ANKS1B: variants seen among roughly 807,000 people sequenced by gnomAD.
ANKS1B encodes ankyrin repeat and sterile alpha motif domain containing 1B, also known as ankyrin repeat and sterile alpha motif domain-containing protein 1B.
In ANKS1B, 36 loss-of-function variants were observed where a neutral mutation model predicts 148.3. That is an observed-to-expected ratio of 0.24 (90% confidence interval 0.19 to 0.32). The LOEUF (loss-of-function observed/expected upper bound fraction) is 0.32, where lower values mean the gene tolerates loss of function less well. Among genes scored for constraint, ANKS1B ranks in the 10% least tolerant of loss-of-function variants. The pLI is 1.00. For missense variants in ANKS1B, 1,157 were observed against 1,542.6 expected, an observed-to-expected ratio of 0.75 and a Z score of 4.19; for synonymous variants, 542 against 560.8, an observed-to-expected ratio of 0.97 and a Z score of 0.47.
intron 1 of ANKS1B, among the ~76,000 whole-genome samples, chr12:99,901,222 A>G (rs1393475067): frequency 6.6e-6 from 1 of 152,234 alleles, no homozygotes; most frequent in Non-Finnish European, 1.5e-5. Context: ...TGAATGAATG[A>G]AGACTCATTT....
intron 22 of ANKS1B, 88 bp from the exon 23 acceptor site, chr12:98,782,225 T>C: frequency 8.9e-7 from 1 of 1,122,046 alleles, no homozygotes; most frequent in South Asian, 1.4e-5. Context: ...TTTCAATAAT[T>C]CACCAACAGT....
intron 9 of ANKS1B, among the ~76,000 whole-genome samples, chr12:99,543,705 A>C (rs1389776888): frequency 1.3e-5 from 2 of 151,072 alleles, no homozygotes; most frequent in African/African-American, 5.0e-5. Context: ...ATTCTACAAC[A>C]TAAATAAACT....
chr12:99,165,188 T>A (rs1240573992), intron 14 of ANKS1B, among the ~76,000 whole-genome samples: 2 of 151,744 alleles, frequency 1.3e-5, no homozygotes, highest in Non-Finnish European at 3.0e-5. Flanking sequence ...TGACAAGAAT[T>A]TCAAATCATT....
chr12:99,212,926 GAAAC>G (rs1251775554), intron 14 of ANKS1B, among the ~76,000 whole-genome samples: 4 of 152,242 alleles, frequency 2.6e-5, no homozygotes, highest in Middle Eastern at 3.4e-3. Context: ...ATTTTTAGAG[GAAAC>G]AAACAATGTT....
intron 14 of ANKS1B, among the ~76,000 whole-genome samples, chr12:99,201,216 T>C (rs534619838): frequency 1.2e-4 from 18 of 152,228 alleles, no homozygotes; most frequent in African/African-American, 4.3e-4. Flanking sequence ...TTATTCTGAA[T>C]CATAGTAAGG....
At chr12:99,410,306 CG>C (rs1165386898) in intron 11 of ANKS1B, among the ~76,000 whole-genome samples, 3 of 151,464 alleles carry the variant, frequency 2.0e-5, no homozygotes, top group Non-Finnish European at 1.5e-5. Flanking sequence ...ACCTTATGAA[CG>C]AAGACTTAAC....
intron 12 of ANKS1B, among the ~76,000 whole-genome samples, chr12:99,362,979 G>A (rs978390008): frequency 1.1e-4 from 17 of 151,980 alleles, no homozygotes; most frequent in Admixed American, 1.1e-3. Flanking sequence ...ATTTCCACTA[G>A]GGTCGAATTG....
At position 99,108,343 on chromosome 12, in the gene ANKS1B, T is replaced by C. The variant is rs913397674; in HGVS notation, c.2527-23320A>G. ...CTATGTACCTTGAGGATAGAAACCA[T>C]CTGTCCACCTAATGTCCCCAGTAGT... On this transcript the variant is annotated intron_variant, in intron 15 of 26. Transcript: ENST00000683438. Among the ~76,000 whole-genome samples the C allele has an allele frequency of 8.5e-5, 13 of 152,224 alleles. No homozygotes were observed. The East Asian group carries it at 2.3e-3, about 27-fold the overall frequency.
At chr12:99,770,140 G>C (rs1005945601) in intron 8 of ANKS1B, among the ~76,000 whole-genome samples, 2 of 152,186 alleles carry the variant, frequency 1.3e-5, no homozygotes, top group African/African-American at 4.8e-5. Context: ...TGGCAGCTAA[G>C]TCATTTTCTA....
chr12:99,785,000 A>G (rs1478250524), intron 4 of ANKS1B, among the ~76,000 whole-genome samples: 5 of 152,104 alleles, frequency 3.3e-5, no homozygotes, highest in African/African-American at 9.7e-5. Context: ...TTGTATCCCC[A>G]ATGCCTAGCA....
At chr12:99,567,723 G>A (rs975977306) in intron 9 of ANKS1B, among the ~76,000 whole-genome samples, 5 of 152,128 alleles carry the variant, frequency 3.3e-5, no homozygotes, top group African/African-American at 1.2e-4. Context: ...TATGCTAAAG[G>A]GGGCAGATAA....
chr12:99,130,288 T>C (rs1435263731), intron 15 of ANKS1B, among the ~76,000 whole-genome samples: 1 of 152,230 alleles, frequency 6.6e-6, no homozygotes, highest in Admixed American at 6.5e-5. Flanking sequence ...AACCATTTGG[T>C]TGGGAAGCTG....
intron 17 of ANKS1B, among the ~76,000 whole-genome samples, chr12:98,928,821 A>G (rs1314523762): frequency 6.6e-6 from 1 of 151,954 alleles, no homozygotes; most frequent in African/African-American, 2.4e-5. Flanking sequence ...CATATATAGA[A>G]CCCATACGGC....
chr12:99,046,588 A>G lies in ANKS1B; in HGVS notation c.2778+6569T>C, dbSNP rs765205499. 2.9e-4 allele frequency among the ~76,000 whole-genome samples: 44 copies of G among 152,130 alleles called. No homozygotes were observed. The Middle Eastern group carries it at 0.014, about 47-fold the overall frequency. On this transcript the variant is annotated intron_variant, in intron 17 of 26. Transcript: ENST00000683438. The stretch of plus-strand genomic sequence containing the variant: ...GCCGAGGCAGGCGGATCACAAGGTC[A>G]GGAGATGGAGACCATCCTGGCTAAC...
chr12:99,676,057 T>C (rs1353393119), intron 8 of ANKS1B, among the ~76,000 whole-genome samples: 1 of 152,128 alleles, frequency 6.6e-6, no homozygotes, highest in Non-Finnish European at 1.5e-5. Context: ...GATACCCTCA[T>C]GCAGTTTTTT....
chr12:99,944,791 T>C (rs1343546166), intron 1 of ANKS1B, among the ~76,000 whole-genome samples: 1 of 152,152 alleles, frequency 6.6e-6, no homozygotes, highest in Non-Finnish European at 1.5e-5. Context: ...TTATGAATGT[T>C]CAGAGGAGGC....
intron 1 of ANKS1B, among the ~76,000 whole-genome samples, chr12:99,870,197 G>T (rs1188411810): frequency 6.6e-6 from 1 of 152,114 alleles, no homozygotes; most frequent in East Asian, 1.9e-4. Context: ...TGTGGTATTT[G>T]GTTTTCTGCT....
chr12:98,783,447 A>ATACAAAT, intron 22 of ANKS1B, among the ~76,000 whole-genome samples: 1 of 152,254 alleles, frequency 6.6e-6, no homozygotes, highest in Non-Finnish European at 1.5e-5. Flanking sequence ...TGATAGGAAG[A>ATACAAAT]ACAGCTACAA....
intron 8 of ANKS1B, among the ~76,000 whole-genome samples, chr12:99,751,339 T>C (rs1329655370): frequency 1.3e-5 from 2 of 152,062 alleles, no homozygotes; most frequent in Non-Finnish European, 2.9e-5. Flanking sequence ...ACATCAGTTT[T>C]GCCATATTCC....
Sources: allele counts gnomAD v4.1 joint callset (sites outside exome capture counted in the v4.1 genomes callset), GRCh38; gene constraint gnomAD v4.1.1; transcripts MANE v1.5; gene names NCBI Gene and HGNC (gene_info 2026-07-23, HGNC 2026-07-21).